SLC35F3: variants seen among roughly 807,000 people sequenced by gnomAD.
SLC35F3 encodes solute carrier family 35 member F3.
Under a neutral mutation model 49.9 loss-of-function variants are expected in SLC35F3, and 25 were observed. The observed-to-expected ratio is 0.50, with a 90% CI of 0.37 to 0.70. The LOEUF (loss-of-function observed/expected upper bound fraction) is 0.70. Ranked by LOEUF, SLC35F3 falls within the 30% of genes least tolerant of loss-of-function variation. The probability of loss-of-function intolerance (pLI) is 0.00; values close to 1 mark genes in which losing one functional copy is unlikely to be tolerated. For missense variants in SLC35F3, 525 were observed against 639.8 expected (o/e 0.82, Z 1.94); for synonymous variants, 275 against 265.4 (o/e 1.04, Z -0.35).
intron 2 of SLC35F3, among the ~76,000 whole-genome samples, chr1:234,204,216 A>C (rs1456917296): frequency 6.6e-6 from 1 of 152,180 alleles, no homozygotes; most frequent in Non-Finnish European, 1.5e-5. Context: ...TTTTAGAAAA[A>C]AAAATAGAAA....
At chr1:234,086,058 T>C (rs1318669659) in intron 2 of SLC35F3, among the ~76,000 whole-genome samples, 1 of 152,256 alleles carries the variant, frequency 6.6e-6, no homozygotes, top group East Asian at 1.9e-4. Context: ...TTTTTGTTCA[T>C]ACCCTTCCAT....
intron 2 of SLC35F3, among the ~76,000 whole-genome samples, chr1:233,942,659 C>T (rs981379081): frequency 6.6e-6 from 1 of 152,178 alleles, no homozygotes; most frequent in Non-Finnish European, 1.5e-5. Context: ...AGCAATCTGC[C>T]CGCCTTGGCC....
rs1394286794 is a variant in SLC35F3 at position 234,143,278 on chromosome 1, C to CTTTTT, written c.284-88135_284-88134insTTTTT. Among the ~76,000 whole-genome samples, 141 of 127,422 alleles carry CTTTTT rather than the reference C, an allele frequency of 1.1e-3. 6 individuals carry two copies. The highest frequency in any genetic ancestry group is 4.2e-3 in the African/African-American group (130 of 30,958). The allele number at this position is 127,422 out of a possible 152,430, so 83.6% of individuals were successfully genotyped here. On this transcript the variant is annotated intron_variant, in intron 2 of 7. Coordinates refer to ENST00000366618, the MANE Select transcript of SLC35F3 (RefSeq NM_173508.4). Reference sequence around the variant, plus strand: ...CTGCTTCTATGAGTTTGACTCTTTTCTTTTCTTTTCTTTTTTTTTTTTTTT... The same window carrying CTTTTT: ...CTGCTTCTATGAGTTTGACTCTTTTCTTTTTTTTTCTTTTCTTTTTTTTTTTTTTT...
In SLC35F3 at chr1:234,004,161, A is replaced by G. The variant is rs118010931; in HGVS notation, c.283+98403A>G. Among the ~76,000 whole-genome samples, 57 of 152,330 alleles carry G rather than the reference A, an allele frequency of 3.7e-4. 1 individual carries two copies. The East Asian group carries it at 0.011, about 29-fold the overall frequency. On this transcript the variant is annotated intron_variant, in intron 2 of 7. Coordinates refer to ENST00000366618, the MANE Select transcript of SLC35F3 (RefSeq NM_173508.4). ...GATACGACAAATGGGAATGTTCTCTACATCATTATAACAGCAAAAAATTAG... is the reference window on the plus strand; with the variant it reads ...GATACGACAAATGGGAATGTTCTCTGCATCATTATAACAGCAAAAAATTAG...
At chr1:233,969,001 C>T (rs1353372956) in intron 2 of SLC35F3, among the ~76,000 whole-genome samples, 1 of 151,840 alleles carries the variant, frequency 6.6e-6, no homozygotes, top group African/African-American at 2.4e-5. Flanking sequence ...ATTTCAAAGA[C>T]CCCATTTCTA....
intron 2 of SLC35F3, among the ~76,000 whole-genome samples, chr1:234,062,236 T>C (rs1026071972): frequency 3.3e-5 from 5 of 152,178 alleles, no homozygotes; most frequent in Non-Finnish European, 2.9e-5. Flanking sequence ...TTGCCTGAAG[T>C]TTCTGATGTT....
At chr1:234,105,600 T>G (rs1212249890) in intron 2 of SLC35F3, among the ~76,000 whole-genome samples, 1 of 152,162 alleles carries the variant, frequency 6.6e-6, no homozygotes, top group East Asian at 1.9e-4. Context: ...AAGATCCTAC[T>G]AGGCACCACT....
At chr1:234,049,100 G>T (rs1044233538) in intron 2 of SLC35F3, among the ~76,000 whole-genome samples, 1 of 152,170 alleles carries the variant, frequency 6.6e-6, no homozygotes. Context: ...TTGATGAGTT[G>T]ATGCTGAAAT....
intron 2 of SLC35F3, among the ~76,000 whole-genome samples, chr1:234,068,856 T>TATATATATG (rs1664662165): frequency 9.1e-6 from 1 of 110,396 alleles, no homozygotes; most frequent in Admixed American, 1.0e-4. Flanking sequence ...TATATATATA[T>TATATATATG]GGCATATTTA....
At chr1:234,137,026 T>G (rs1665822167) in intron 2 of SLC35F3, among the ~76,000 whole-genome samples, 2 of 152,222 alleles carry the variant, frequency 1.3e-5, no homozygotes, top group South Asian at 4.1e-4. Context: ...CTTTTGGAGT[T>G]GATGAAATGA....
In SLC35F3 at chr1:234,058,187, T is replaced by G. The variant is rs547120615; in HGVS notation, c.283+152429T>G. Among the ~76,000 whole-genome samples, 10 of 152,064 alleles carry G rather than the reference T, an allele frequency of 6.6e-5. No homozygotes were observed. In the South Asian group the frequency reaches 2.1e-3, roughly 32 times the overall value. ...TATTGTCAATTTTTTTTGGTTTGCT[T>G]TGGGTTTTTTTTTCGAGGATTTTTG... On this transcript the variant is annotated intron_variant, in intron 2 of 7. Transcript: ENST00000366618.
chr1:234,243,360 TAA>T (rs1194755214), intron 3 of SLC35F3, among the ~76,000 whole-genome samples: 1 of 152,078 alleles, frequency 6.6e-6, no homozygotes, highest in Non-Finnish European at 1.5e-5. Context: ...AAAAAAATAA[TAA>T]AGTGTTACTG....
chr1:234,008,830 C>G (rs904163835), intron 2 of SLC35F3, among the ~76,000 whole-genome samples: 2 of 152,208 alleles, frequency 1.3e-5, no homozygotes, highest in Non-Finnish European at 2.9e-5. Flanking sequence ...AGTCTCCAAT[C>G]TGAGACTCCA....
intron 2 of SLC35F3, among the ~76,000 whole-genome samples, chr1:234,104,474 G>C (rs189863359): frequency 6.6e-6 from 1 of 152,040 alleles, no homozygotes; most frequent in East Asian, 1.9e-4. Flanking sequence ...CACTGAGTAG[G>C]CCTTTAAATG....
chr1:234,042,630 C>G (rs1208411448), intron 2 of SLC35F3, among the ~76,000 whole-genome samples: 1 of 152,102 alleles, frequency 6.6e-6, no homozygotes, highest in Non-Finnish European at 1.5e-5. Flanking sequence ...GCAATACAAC[C>G]ACAGAGGATA....
chr1:234,133,092 T>A (rs1665758510), intron 2 of SLC35F3, among the ~76,000 whole-genome samples: 1 of 152,236 alleles, frequency 6.6e-6, no homozygotes, highest in African/African-American at 2.4e-5. Flanking sequence ...TTTAATGCAG[T>A]ATGCCTGACT....
chr1:233,927,950 A>G (rs1662185696), intron 2 of SLC35F3, among the ~76,000 whole-genome samples: 1 of 152,214 alleles, frequency 6.6e-6, no homozygotes, highest in Non-Finnish European at 1.5e-5. Flanking sequence ...ATCATATCTT[A>G]TAACTTTCAA....
At chr1:234,134,536 C>T (rs961623727) in intron 2 of SLC35F3, among the ~76,000 whole-genome samples, 9 of 150,380 alleles carry the variant, frequency 6.0e-5, no homozygotes, top group Non-Finnish European at 1.2e-4. Flanking sequence ...CATAATGTTT[C>T]AGGTAACAGT....
At chr1:233,986,355 T>G (rs1315128036) in intron 2 of SLC35F3, among the ~76,000 whole-genome samples, 55 of 152,242 alleles carry the variant, frequency 3.6e-4, no homozygotes, top group Non-Finnish European at 1.5e-5. Context: ...TCTCTTCTTC[T>G]TTTTTCTGCT....
Sources: allele counts gnomAD v4.1 joint callset (sites outside exome capture counted in the v4.1 genomes callset), GRCh38; gene constraint gnomAD v4.1.1; transcripts MANE v1.5; gene names NCBI Gene and HGNC (gene_info 2026-07-23, HGNC 2026-07-21).